Variants in ABCC4 observed in about 807,000 individuals in gnomAD.
The protein encoded by ABCC4 is ATP-binding cassette sub-family C member 4.
ABCC4 carries 102 observed loss-of-function variants against 168.5 expected under a neutral mutation model. That is an observed-to-expected ratio of 0.61 (90% CI 0.52 to 0.71). The LOEUF is 0.71. ABCC4 is among the 30% of genes least tolerant of loss of function. The probability of loss-of-function intolerance (pLI) is 0.00; values close to 1 mark genes in which losing one functional copy is unlikely to be tolerated. For missense variants in ABCC4, 1,402 were observed against 1,605.8 expected, an observed-to-expected ratio of 0.87 and a Z score of 2.17; for synonymous variants, 617 against 590.7, an observed-to-expected ratio of 1.04 and a Z score of -0.65.
At chr13:95,269,188 G>A in intron 1 of ABCC4, 3 of 435,798 alleles carry the variant, frequency 6.9e-6, no homozygotes, top group South Asian at 4.8e-5. Flanking sequence ...AGGGGGTCAT[G>A]GGAAGCATAG....
intron 1 of ABCC4, among the ~76,000 whole-genome samples, chr13:95,250,192 C>T (rs2138815812): frequency 6.6e-6 from 1 of 152,294 alleles, no homozygotes; most frequent in East Asian, 1.9e-4. Flanking sequence ...CAATGTGTCC[C>T]TGAGGGGGTC....
rs753327163 is a variant in ABCC4, at chr13:95,273,816, GTT to G, written c.75-26065_75-26064del. ...ATCTGATGGGTTTTTTTTTTGGTTT[GTT>G]TTTTTTTTTTTTTTTTTGAGACGGA... On this transcript the variant is annotated intron_variant, in intron 1 of 30. Coordinates refer to ENST00000645237, the MANE Select transcript of ABCC4 (RefSeq NM_005845.5). Among the ~76,000 whole-genome samples the G allele has an allele frequency of 8.1e-5, 8 of 98,646 alleles. No homozygotes were observed. The East Asian group carries it at 1.3e-3, about 16-fold the overall frequency. The allele number at this position is 98,646 out of a possible 152,430, so 64.7% of individuals were successfully genotyped here.
intron 1 of ABCC4, among the ~76,000 whole-genome samples, chr13:95,265,921 T>C (rs1243386023): frequency 6.6e-6 from 1 of 152,104 alleles, no homozygotes; most frequent in Non-Finnish European, 1.5e-5. Context: ...GGGCCAAGAT[T>C]ACACAAAAGG....
chr13:95,138,016 C>G (rs1379808302), intron 19 of ABCC4, among the ~76,000 whole-genome samples: 4 of 152,092 alleles, frequency 2.6e-5, no homozygotes, highest in African/African-American at 9.7e-5. Flanking sequence ...CAATACTGAA[C>G]AGCATTTTTA....
intron 3 of ABCC4, among the ~76,000 whole-genome samples, chr13:95,236,795 G>A (rs1414797568): frequency 6.6e-6 from 1 of 152,164 alleles, no homozygotes; most frequent in African/African-American, 2.4e-5. Context: ...TCATTCAAAA[G>A]GCACTAAGAG....
intron 4 of ABCC4, among the ~76,000 whole-genome samples, chr13:95,218,967 AAG>A (rs2039220427): frequency 7.4e-5 from 3 of 40,430 alleles, no homozygotes; most frequent in Admixed American, 1.9e-4. Flanking sequence ...GAAAGAAAGA[AAG>A]AAAGAAAGAA....
intron 30 of ABCC4, among the ~76,000 whole-genome samples, chr13:95,025,393 C>T (rs112745263): frequency 3.0e-3 from 13 of 4,298 alleles, no homozygotes; most frequent in East Asian, 0.013. Flanking sequence ...CCTCCCACCC[C>T]CACACACATA....
intron 1 of ABCC4, among the ~76,000 whole-genome samples, chr13:95,289,380 G>A (rs1364451755): frequency 1.3e-5 from 2 of 152,172 alleles, no homozygotes; most frequent in Non-Finnish European, 2.9e-5. Flanking sequence ...TCATGCTTTG[G>A]AATTTGTCAG....
At chr13:95,057,313 C>T (rs2033099877) in intron 26 of ABCC4, among the ~76,000 whole-genome samples, 1 of 152,134 alleles carries the variant, frequency 6.6e-6, no homozygotes, top group Non-Finnish European at 1.5e-5. Flanking sequence ...AATCTCAGCT[C>T]ATGGCAACCT....
chr13:95,297,745 C>A (rs2041572304), intron 1 of ABCC4, among the ~76,000 whole-genome samples: 1 of 152,138 alleles, frequency 6.6e-6, no homozygotes, highest in Non-Finnish European at 1.5e-5. Flanking sequence ...CCGAGGCAGG[C>A]AGATCGCTGG....
chr13:95,217,020 A>C (rs1165889166), intron 4 of ABCC4, among the ~76,000 whole-genome samples: 4 of 152,202 alleles, frequency 2.6e-5, no homozygotes, highest in Non-Finnish European at 5.9e-5. Context: ...ATTATTGGTT[A>C]CTCTAGAATC....
chr13:95,250,604 A>G (rs1454053077), intron 1 of ABCC4, among the ~76,000 whole-genome samples: 1 of 152,066 alleles, frequency 6.6e-6, no homozygotes, highest in Non-Finnish European at 1.5e-5. Flanking sequence ...GACATTCTCC[A>G]CCCCAGGATC....
At position 95,021,294 on chromosome 13, in the gene ABCC4, C is replaced by T. The variant is rs1169994764; in HGVS notation, c.*281G>A. On this transcript the variant is annotated 3_prime_UTR_variant, in exon 31 of 31. Coordinates refer to ENST00000645237, the MANE Select transcript of ABCC4 (RefSeq NM_005845.5). ...CTACTCCTTTAAAAATGAGCTTTGA[C>T]TCTGTAGTCTCTTAAGGCACAAAAC... 1.4e-5 allele frequency: 4 copies of T among 295,114 alleles called. No homozygotes were observed. The highest frequency in any genetic ancestry group is 4.9e-5 in the Admixed American group (1 of 20,380). The allele number at this position is 295,114 out of a possible 1,614,324, so 18.3% of individuals were successfully genotyped here. A position where few individuals can be genotyped will look rare whatever the true frequency, so the allele number is the denominator to read the frequency against.
At chr13:95,133,997 C>T (rs1401511060) in intron 19 of ABCC4, among the ~76,000 whole-genome samples, 1 of 152,152 alleles carries the variant, frequency 6.6e-6, no homozygotes, top group Non-Finnish European at 1.5e-5. Flanking sequence ...AATGCCACCC[C>T]ACTGGGTGAC....
rs549115813 is a variant in ABCC4 at position 95,091,133 on chromosome 13, A to T, written c.2536-7843T>A. Reference sequence around the variant, plus strand: ...TAAGAAAATATGAACAAAACCTCCAAGAAGTCTGGGATTATGTTAAACGAC... The same window carrying T: ...TAAGAAAATATGAACAAAACCTCCATGAAGTCTGGGATTATGTTAAACGAC... On this transcript the variant is annotated intron_variant, in intron 20 of 30. Coordinates refer to ENST00000645237, the MANE Select transcript of ABCC4 (RefSeq NM_005845.5). 1.3e-4 allele frequency among the ~76,000 whole-genome samples: 20 copies of T among 152,346 alleles called. No individual in the cohort carries two copies. In the South Asian group the frequency reaches 3.9e-3, roughly 30 times the overall value.
At chr13:95,054,376 G>A (rs1414081448) in intron 26 of ABCC4, among the ~76,000 whole-genome samples, 1 of 151,872 alleles carries the variant, frequency 6.6e-6, no homozygotes, top group Non-Finnish European at 1.5e-5. Context: ...AGCTTAGGTA[G>A]GCTGTGTGAA....
At chr13:95,228,079 A>C (rs1203131687) in intron 4 of ABCC4, among the ~76,000 whole-genome samples, 1 of 152,222 alleles carries the variant, frequency 6.6e-6, no homozygotes, top group African/African-American at 2.4e-5. Context: ...TGAAATAAAA[A>C]TAGCTTTAAA....
intron 20 of ABCC4, among the ~76,000 whole-genome samples, chr13:95,105,508 T>A (rs1000007264): frequency 6.6e-6 from 1 of 152,162 alleles, no homozygotes; most frequent in African/African-American, 2.4e-5. Context: ...AAGTTAGAAG[T>A]TAATACCTTA....
intron 8 of ABCC4, among the ~76,000 whole-genome samples, chr13:95,205,959 T>C (rs953192179): frequency 4.6e-5 from 7 of 152,098 alleles, no homozygotes; most frequent in African/African-American, 1.4e-4. Context: ...CTGGCAGAGA[T>C]AGGTTCATCA....
Sources: allele counts gnomAD v4.1 joint callset (sites outside exome capture counted in the v4.1 genomes callset), GRCh38; gene constraint gnomAD v4.1.1; transcripts MANE v1.5; gene names NCBI Gene and HGNC (gene_info 2026-07-23, HGNC 2026-07-21).